Variants in PRKDC observed in about 807,000 individuals in gnomAD.
PRKDC encodes the protein protein kinase, DNA-activated, catalytic subunit.
In PRKDC, 82 loss-of-function variants were observed where a neutral mutation model predicts 486.9. The observed-to-expected ratio is 0.17, with a 90% CI of 0.14 to 0.20. The LOEUF is 0.20. PRKDC is among the 10% of genes least tolerant of loss of function. The probability of loss-of-function intolerance (pLI) is 1.00; values close to 1 mark genes in which losing one functional copy is unlikely to be tolerated. For synonymous variants in PRKDC, 1,895 were observed against 1,837.0 expected, an observed-to-expected ratio of 1.03 and a Z score of -0.81; for missense variants, 4,504 against 5,038.2, an observed-to-expected ratio of 0.89 and a Z score of 3.21.
At chr8:47,830,934 A>T (rs1195530524) in intron 60 of PRKDC, among the ~76,000 whole-genome samples, 198 bp from the exon 61 acceptor site, 1 of 152,174 alleles carries the variant, frequency 6.6e-6, no homozygotes, top group African/African-American at 2.4e-5. Flanking sequence ...CACAACAAGC[A>T]GTGGAAAGGC....
chr8:47,930,719 A>G lies in PRKDC; in HGVS notation c.1845T>C (p.Ala615=). 6.3e-7 allele frequency: 1 copy of G among 1,590,684 alleles called. No homozygotes were observed. Residue 615 remains alanine (A), a synonymous_variant, in exon 17 of 86, where the codon GCT becomes GCC. Coordinates refer to ENST00000314191, the MANE Select transcript of PRKDC (RefSeq NM_006904.7). ...TGAAAGCCGAAAAATCTTTAGGTTT[A>G]GCTGGATGCAAGTTAGCCGCTGGAT... is the stretch of plus-strand genomic sequence containing the variant. ...TSDPAANLHP[A]KPKDFSAFIN... is the part of the protein sequence containing the mutation.
At chr8:47,878,016 G>A (rs939910938) in intron 39 of PRKDC, among the ~76,000 whole-genome samples, 165 bp from the exon 40 acceptor site, 3 of 150,544 alleles carry the variant, frequency 2.0e-5, no homozygotes, top group Non-Finnish European at 4.4e-5. Flanking sequence ...CAGTATTTCT[G>A]TCATTTTTAC....
chr8:47,945,785 G>A (rs1283972497), intron 7 of PRKDC, among the ~76,000 whole-genome samples: 1 of 152,016 alleles, frequency 6.6e-6, no homozygotes, highest in Non-Finnish European at 1.5e-5. Context: ...GCAGTGGCAC[G>A]ATCTCAGCTC....
At chr8:47,863,064 C>T (rs1208304921) in intron 42 of PRKDC, among the ~76,000 whole-genome samples, 1 of 152,084 alleles carries the variant, frequency 6.6e-6, no homozygotes, top group African/African-American at 2.4e-5. Context: ...AATTTCAAAT[C>T]TCAGAAAAAA....
chr8:47,828,752 A>G (rs2087795569), intron 61 of PRKDC, among the ~76,000 whole-genome samples: 1 of 152,238 alleles, frequency 6.6e-6, no homozygotes, highest in Non-Finnish European at 1.5e-5. Context: ...AATCTCAGAG[A>G]AAGATTAAAT....
chr8:47,892,509 T>C (rs924041310), intron 31 of PRKDC, among the ~76,000 whole-genome samples: 2 of 152,120 alleles, frequency 1.3e-5, no homozygotes, highest in South Asian at 4.1e-4. Context: ...TTTAGTATTT[T>C]TTGTACAGAT....
chr8:47,908,872 T>C (rs1005825204), intron 25 of PRKDC, among the ~76,000 whole-genome samples: 2 of 152,232 alleles, frequency 1.3e-5, no homozygotes, highest in Non-Finnish European at 2.9e-5. Context: ...CTAAATCTTA[T>C]TGATTTACAG....
At chr8:47,789,070 T>G (rs764808436) in intron 75 of PRKDC, 21 bp from the exon 76 acceptor site, 9 of 1,611,258 alleles carry the variant, frequency 5.6e-6, no homozygotes, top group Non-Finnish European at 7.6e-6. Context: ...AAAAAAAAAG[T>G]AAGAAAAAAA....
rs1357224426 is a variant in PRKDC, at chr8:47,907,436, AC to A, written c.2935-2461del. 5.9e-5 allele frequency among the ~76,000 whole-genome samples: 9 copies of A among 151,278 alleles called. No individual in the cohort carries two copies. In the South Asian group the frequency reaches 6.3e-4, roughly 11 times the overall value. ...TACACACACACACACACACACACAC[AC>A]AATACAGACATACCCCTTTATAGAA... On this transcript the variant is annotated intron_variant, in intron 25 of 85. Transcript: ENST00000314191.
intron 21 of PRKDC, among the ~76,000 whole-genome samples, chr8:47,924,292 C>T (rs965769537): frequency 2.6e-5 from 4 of 152,140 alleles, no homozygotes; most frequent in Non-Finnish European, 5.9e-5. Flanking sequence ...GGCATGGTAG[C>T]TCATGCCTGT....
At chr8:47,930,887 C>G (rs191905515) in intron 16 of PRKDC, 100 bp from the exon 17 acceptor site, 12 of 1,160,100 alleles carry the variant, frequency 1.0e-5, no homozygotes, top group African/African-American at 6.4e-5. Flanking sequence ...CCTGATGCTA[C>G]GAAGAAAGAT....
intron 68 of PRKDC, among the ~76,000 whole-genome samples, chr8:47,817,225 C>T (rs2087466063): frequency 6.6e-6 from 1 of 152,164 alleles, no homozygotes. Context: ...TCAGGATCAG[C>T]CACCAGCACC....
chr8:47,955,249 T>G (rs1243385566), intron 4 of PRKDC, among the ~76,000 whole-genome samples: 1 of 150,518 alleles, frequency 6.6e-6, no homozygotes, highest in Non-Finnish European at 1.5e-5. Flanking sequence ...GATCACGAGG[T>G]CAGGAGATCG....
rs2090177696 is a variant in PRKDC, at chr8:47,927,776, G to C, written c.2254C>G (p.Leu752Val). The part of the protein sequence containing the change: ...ELDVRAYVPA[L>V]QMAFKLGLSY... ...CTGTTCAAGACAACGCCTACCTGCA[G>C]TGCAGGAACGTAGGCTCTAACATCG... Residue 752 changes from leucine to valine, a missense_variant, in exon 20 of 86, where the codon CTG becomes GTG. Around this residue, in one of 6 missense-constraint regions of PRKDC, gnomAD observed 1,969 missense variants for 2,068.9 expected, o/e 0.95. Transcript: ENST00000314191. 1 of 1,553,718 alleles carries C rather than the reference G, an allele frequency of 6.4e-7. No individual in the cohort carries two copies. The highest frequency in any genetic ancestry group is 2.1e-5 in the Admixed American group (1 of 48,716).
chr8:47,778,691 G>A (rs2086649383), intron 82 of PRKDC, 31 bp from the exon 83 acceptor site: 4 of 1,613,290 alleles, frequency 2.5e-6, no homozygotes, highest in Non-Finnish European at 3.4e-6. Context: ...TGCGGCTGCT[G>A]TGATCCCACT....
At chr8:47,957,305 A>G in intron 2 of PRKDC, 42 bp from the exon 3 acceptor site, 1 of 1,577,850 alleles carries the variant, frequency 6.3e-7, no homozygotes, top group East Asian at 2.2e-5. Flanking sequence ...GGGTAAGAGG[A>G]GTCACTCCAG....
chr8:47,819,659 CACAG>C (rs1425751048), intron 66 of PRKDC, 149 bp from the exon 67 acceptor site: 15 of 431,088 alleles, frequency 3.5e-5, no homozygotes, highest in African/African-American at 8.2e-5. Context: ...ATAATTAGAT[CACAG>C]ACAGTTAACA....
In PRKDC at chr8:47,923,096, C is replaced by T. The variant is rs142839067; in HGVS notation, c.2419+4098G>A. ...TTTTTTTTTTTGAGATGAAGTCTCA[C>T]TCTGTCGCCCAGGCTGGAGTGCAAC... On this transcript the variant is annotated intron_variant, in intron 21 of 85. Coordinates refer to ENST00000314191, the MANE Select transcript of PRKDC (RefSeq NM_006904.7). Among the ~76,000 whole-genome samples the T allele has an allele frequency of 4.8e-3, 723 of 151,010 alleles. 7 individuals are homozygous for T. Among genetic ancestry groups the T allele is most frequent in the African/African-American group, 0.017 (685 of 41,128 alleles).
chr8:47,945,337 C>G (rs556660739), intron 7 of PRKDC, among the ~76,000 whole-genome samples: 2 of 152,302 alleles, frequency 1.3e-5, no homozygotes, highest in African/African-American at 4.8e-5. Context: ...GTTGTGTAAC[C>G]ATCACTATTG....
Sources: gnomAD v4.1 joint callset for allele counts (sites outside exome capture counted in the v4.1 genomes callset) on GRCh38, gnomAD v4.1.1 for gene constraint, gnomAD v4.1.1 regional missense constraint, MANE v1.5 for transcripts, NCBI Gene and HGNC (gene_info 2026-07-23, HGNC 2026-07-21) for gene names.